The following CACNA2D1 variants were observed in gnomAD, a reference collection of about 807,000 sequenced individuals.
CACNA2D1 encodes calcium voltage-gated channel auxiliary subunit alpha2delta 1.
CACNA2D1 carries 53 observed loss-of-function variants against 171.5 expected under a neutral mutation model. The observed-to-expected ratio is 0.31, with a 90% CI of 0.25 to 0.39. The LOEUF is 0.39. Ranked by LOEUF, CACNA2D1 falls within the 10% of genes least tolerant of loss-of-function variation. The probability of loss-of-function intolerance (pLI) is 1.00; values close to 1 mark genes in which losing one functional copy is unlikely to be tolerated. For missense variants in CACNA2D1, 903 were observed against 1,299.8 expected (o/e 0.69, Z 4.69); for synonymous variants, 442 against 443.1 (o/e 1.00, Z 0.03).
intron 3 of CACNA2D1, among the ~76,000 whole-genome samples, chr7:82,320,985 TAA>T (rs1815762286): frequency 5.3e-5 from 5 of 94,900 alleles, no homozygotes; most frequent in Admixed American, 1.0e-4. Context: ...AGATTTTATA[TAA>T]GTTAAAGTCA....
At chr7:81,962,110 A>T in intron 35 of CACNA2D1, 87 bp from the exon 36 acceptor site, 18 of 1,290,644 alleles carry the variant, frequency 1.4e-5, no homozygotes, top group Non-Finnish European at 2.0e-5. Context: ...CACTTCTCAC[A>T]GAGCAAAATA....
At chr7:82,369,342 T>G (rs372882336) in intron 1 of CACNA2D1, among the ~76,000 whole-genome samples, 2 of 151,594 alleles carry the variant, frequency 1.3e-5, no homozygotes, top group South Asian at 2.1e-4. Context: ...CATTTTACAC[T>G]GCCACTGCTT....
chr7:82,165,699 A>T (rs1375065250), intron 4 of CACNA2D1, among the ~76,000 whole-genome samples: 1 of 151,978 alleles, frequency 6.6e-6, no homozygotes, highest in Non-Finnish European at 1.5e-5. Flanking sequence ...ATGGCTTTTA[A>T]TCTATCTTTA....
chr7:82,374,128 C>T (rs533134277), intron 1 of CACNA2D1, among the ~76,000 whole-genome samples: 14 of 152,260 alleles, frequency 9.2e-5, no homozygotes, highest in African/African-American at 1.4e-4. Context: ...GGGAACATTA[C>T]ACTTCCTCTC....
chr7:82,047,121 T>A (rs894827545), intron 10 of CACNA2D1, among the ~76,000 whole-genome samples: 4 of 152,034 alleles, frequency 2.6e-5, no homozygotes, highest in Non-Finnish European at 5.9e-5. Flanking sequence ...CACTGTGCAC[T>A]CCTGAGTCCA....
At chr7:82,188,748 C>G (rs1362721433) in intron 3 of CACNA2D1, among the ~76,000 whole-genome samples, 2 of 152,010 alleles carry the variant, frequency 1.3e-5, no homozygotes, top group Non-Finnish European at 2.9e-5. Flanking sequence ...TTCATAATAG[C>G]AAAAACATGG....
intron 7 of CACNA2D1, among the ~76,000 whole-genome samples, chr7:82,071,243 A>C (rs1370769984): frequency 6.6e-6 from 1 of 152,202 alleles, no homozygotes; most frequent in Non-Finnish European, 1.5e-5. Context: ...TAGACAAGAT[A>C]GTTAATCCTA....
rs528694567 is a variant in CACNA2D1 at position 82,136,595 on chromosome 7, T to C, written c.396+40A>G. 1.2e-4 allele frequency: 181 copies of C among 1,484,074 alleles called. 6 individuals are homozygous for C. In the South Asian group the frequency reaches 2.1e-3, roughly 17 times the overall value. 91.9% of individuals were successfully genotyped at this position (1,484,074 alleles called of 1,614,324 possible). A position where few individuals can be genotyped will look rare whatever the true frequency, so the allele number is the denominator to read the frequency against. ...CTATATAAGGCCAATCATTTTACTA[T>C]AATTTTCTTGGAATTTAATGGAAAA... On this transcript the variant is annotated intron_variant, in intron 5 of 38. Transcript: ENST00000356860.
At chr7:81,978,522 C>T (rs1414179582) in intron 24 of CACNA2D1, among the ~76,000 whole-genome samples, 4 of 151,520 alleles carry the variant, frequency 2.6e-5, no homozygotes, top group East Asian at 2.0e-4. Flanking sequence ...AAGTGGGAGT[C>T]GAACAATAAG....
intron 11 of CACNA2D1, among the ~76,000 whole-genome samples, chr7:82,033,229 T>C (rs553718338): frequency 6.6e-6 from 1 of 152,070 alleles, no homozygotes; most frequent in Non-Finnish European, 1.5e-5. Flanking sequence ...TTTTACTTTC[T>C]TTTATATACA....
intron 3 of CACNA2D1, among the ~76,000 whole-genome samples, chr7:82,213,005 A>G (rs1267395797): frequency 6.6e-6 from 1 of 151,852 alleles, no homozygotes; most frequent in Non-Finnish European, 1.5e-5. Context: ...GGTTCACACA[A>G]TTCTCCTGTG....
intron 10 of CACNA2D1, among the ~76,000 whole-genome samples, chr7:82,055,923 T>TGC (rs2131343688): frequency 2.0e-5 from 1 of 49,744 alleles, no homozygotes; most frequent in African/African-American, 5.4e-5. Flanking sequence ...TAAATATGTG[T>TGC]GTGTGTGTAT....
chr7:82,080,487 G>A (rs1472088645), intron 7 of CACNA2D1, among the ~76,000 whole-genome samples: 7 of 152,104 alleles, frequency 4.6e-5, no homozygotes, highest in Non-Finnish European at 1.0e-4. Context: ...GAAACTGAAA[G>A]CCTGAAAGAC....
chr7:82,125,418 G>A (rs1200931306), intron 5 of CACNA2D1, among the ~76,000 whole-genome samples: 1 of 152,180 alleles, frequency 6.6e-6, no homozygotes, highest in African/African-American at 2.4e-5. Context: ...AATCTTCAGG[G>A]AATTTAATGA....
intron 37 of CACNA2D1, 89 bp from the exon 38 acceptor site, chr7:81,959,446 A>G: frequency 1.1e-6 from 1 of 924,372 alleles, no homozygotes; most frequent in Admixed American, 1.8e-5. Context: ...AAAACATGTG[A>G]GAGAGATAAC....
intron 3 of CACNA2D1, among the ~76,000 whole-genome samples, chr7:82,202,395 G>C (rs1463641690): frequency 1.3e-5 from 2 of 152,114 alleles, no homozygotes; most frequent in Admixed American, 1.3e-4. Flanking sequence ...GTGAGCCTTT[G>C]GTCCCCACTG....
intron 16 of CACNA2D1, among the ~76,000 whole-genome samples, chr7:82,006,077 T>C (rs868294361): frequency 6.6e-6 from 1 of 152,042 alleles, no homozygotes. Context: ...CTAAAATATA[T>C]AAAGGATAAA....
chr7:82,084,673 G>A (rs1369419489), intron 7 of CACNA2D1, 96 bp downstream of exon 7: 1 of 1,328,388 alleles, frequency 7.5e-7, no homozygotes, highest in Non-Finnish European at 1.1e-6. Context: ...GTGTGATATA[G>A]TCATATTTTT....
chr7:82,299,440 C>T (rs952879103), intron 3 of CACNA2D1, among the ~76,000 whole-genome samples: 1 of 151,904 alleles, frequency 6.6e-6, no homozygotes, highest in African/African-American at 2.4e-5. Context: ...GTGGGCAGAT[C>T]ACTTGAGGTC....
Sources: allele counts gnomAD v4.1 joint callset (sites outside exome capture counted in the v4.1 genomes callset), GRCh38; gene constraint gnomAD v4.1.1; transcripts MANE v1.5; gene names NCBI Gene and HGNC (gene_info 2026-07-23, HGNC 2026-07-21).